Variants in ZFHX4 observed in about 807,000 individuals in gnomAD.
ZFHX4 encodes the protein zinc finger homeobox 4, also known as zinc finger homeobox protein 4.
ZFHX4 carries 56 observed loss-of-function variants against 267.6 expected under a neutral mutation model. The ratio of observed to expected loss-of-function variants is 0.21; its 90% CI spans 0.17 to 0.26. The LOEUF is 0.26. Ranked by LOEUF, ZFHX4 falls within the 10% of genes least tolerant of loss-of-function variation. The pLI is 1.00. For missense variants in ZFHX4, 4,332 were observed against 4,420.0 expected, an observed-to-expected ratio of 0.98 and a Z score of 0.56; for synonymous variants, 1,778 against 1,665.6, an observed-to-expected ratio of 1.07 and a Z score of -1.64.
chr8:76,705,873 G>T lies in ZFHX4; in HGVS notation c.1785G>T (p.Pro595=). ...CTCCTCACCAGCATGGCTTTACCCCGAGTACTCCTGGCACACCAGGGCCTG... is the reference window on the plus strand; with the variant it reads ...CTCCTCACCAGCATGGCTTTACCCCTAGTACTCCTGGCACACCAGGGCCTG... ...SATPHQHGFT[P]STPGTPGPGG... is the part of the protein sequence containing the mutation. The change falls in exon 2 of 11, where the codon CCG becomes CCT. Residue 595 remains proline, a synonymous_variant. Transcript: ENST00000651372. The T allele has an allele frequency of 6.2e-7, 1 of 1,613,738 alleles. No homozygotes were observed. Among genetic ancestry groups the T allele is most frequent in the Non-Finnish European group, 8.5e-7 (1 of 1,179,860 alleles).
At chr8:76,695,809 T>C (rs1176778732) in intron 1 of ZFHX4, among the ~76,000 whole-genome samples, 2 of 152,222 alleles carry the variant, frequency 1.3e-5, no homozygotes, top group Non-Finnish European at 2.9e-5. Context: ...ATTAGTTTTT[T>C]CCCCCAGCTC....
intron 4 of ZFHX4, among the ~76,000 whole-genome samples, chr8:76,779,774 G>A (rs796654755): frequency 1.3e-5 from 2 of 152,000 alleles, no homozygotes; most frequent in Non-Finnish European, 2.9e-5. Context: ...TGCGTGCCAC[G>A]ATTTTTCTCT....
intron 1 of ZFHX4, among the ~76,000 whole-genome samples, chr8:76,682,258 T>G (rs1807554265): frequency 6.6e-6 from 1 of 152,256 alleles, no homozygotes; most frequent in Middle Eastern, 3.4e-3. Context: ...CCCACCTTAT[T>G]CAGCCTCGTT....
chr8:76,782,828 C>G (rs895932044), intron 4 of ZFHX4, among the ~76,000 whole-genome samples: 2 of 152,012 alleles, frequency 1.3e-5, no homozygotes, highest in Admixed American at 6.6e-5. Context: ...TAATCATAAT[C>G]GTTTTTCATT....
intron 6 of ZFHX4, among the ~76,000 whole-genome samples, chr8:76,847,630 T>G (rs1812398555): frequency 6.6e-6 from 1 of 152,160 alleles, no homozygotes; most frequent in African/African-American, 2.4e-5. Flanking sequence ...AATTTTGATC[T>G]GCATGGAATC....
At chr8:76,833,962 C>A (rs1282312960) in intron 5 of ZFHX4, among the ~76,000 whole-genome samples, 1 of 152,052 alleles carries the variant, frequency 6.6e-6, no homozygotes. Context: ...TCCAGAATGT[C>A]ATATAGTTGG....
Position 76,851,216 on chromosome 8 carries a change from GC to G in ZFHX4, c.4296del (p.Ser1433ValfsTer8). Reference sequence around the variant, plus strand: ...GCGACAATGTGTAACCTCTGCCAGCGCAGTTTCCGTACATTCCAGGCTTTAA... The same window carrying G: ...GCGACAATGTGTAACCTCTGCCAGCGAGTTTCCGTACATTCCAGGCTTTAA... ...RAATMCNLCQ[R>X]SFRTFQALKK... On this transcript the variant is annotated frameshift_variant, in exon 10 of 11. Coordinates refer to ENST00000651372, the MANE Select transcript of ZFHX4 (RefSeq NM_024721.5). LOFTEE classifies it high-confidence loss of function. The G allele has an allele frequency of 6.2e-7, 1 of 1,613,780 alleles. No homozygotes were observed. The highest frequency in any genetic ancestry group is 8.5e-7 in the Non-Finnish European group (1 of 1,179,824).
Position 76,853,362 on chromosome 8 carries a change from T to G in ZFHX4, c.6441T>G (p.Tyr2147Ter). ...TDDQLKILRA[Y>*]FDINNSPSEE... ...ATCAGCTAAAAATCCTGAGGGCTTA[T>G]TTTGACATTAATAATTCTCCAAGTG... Residue 2147 changes from tyrosine to a stop codon, truncating the protein, a stop_gained, in exon 10 of 11, where the codon TAT becomes TAG. Transcript: ENST00000651372. LOFTEE classifies it high-confidence loss of function. 1 of 1,613,830 alleles carries G rather than the reference T, an allele frequency of 6.2e-7. No individual in the cohort carries two copies. Among genetic ancestry groups the G allele is most frequent in the Non-Finnish European group, 8.5e-7 (1 of 1,179,860 alleles).
chr8:76,849,143 T>C lies in ZFHX4; in HGVS notation c.3645+15T>C. On this transcript the variant is annotated intron_variant, in intron 7 of 10. Transcript: ENST00000651372. ...GTCATGAACAGGTAAATACTTTTTT[T>C]CCCCTTTACTGTGTAAATCTTTATT... 3 of 1,540,126 alleles carry C rather than the reference T, an allele frequency of 1.9e-6. No individual in the cohort carries two copies. The highest frequency in any genetic ancestry group is 1.7e-6 in the Non-Finnish European group (2 of 1,143,540).
At chr8:76,717,416 G>A (rs1044859160) in intron 3 of ZFHX4, among the ~76,000 whole-genome samples, 7 of 152,116 alleles carry the variant, frequency 4.6e-5, no homozygotes, top group African/African-American at 7.2e-5. Context: ...CTGAATCTGG[G>A]TACCTGATCC....
chr8:76,683,655 GGAGAGA>G lies in ZFHX4; in HGVS notation c.-47+2049_-47+2054del, dbSNP rs71850038. The G allele has an allele frequency of 5.4e-5, 8 of 147,184 alleles. No individual in the cohort carries two copies. In the East Asian group the frequency reaches 8.1e-4, roughly 15 times the overall value. The allele number at this position is 147,184 out of a possible 1,614,324, so 9.1% of individuals were successfully genotyped here. A position where few individuals can be genotyped will look rare whatever the true frequency, so the allele number is the denominator to read the frequency against. ...GGAAGAGAGAGAGGGGGGGAGAGAG[GGAGAGA>G]GAGAGAGAGAGAGGGAGAGAAGAGA... On this transcript the variant is annotated intron_variant, in intron 1 of 10. Coordinates refer to ENST00000651372, the MANE Select transcript of ZFHX4 (RefSeq NM_024721.5).
chr8:76,722,833 T>C (rs1808759620), intron 3 of ZFHX4, among the ~76,000 whole-genome samples: 5 of 152,028 alleles, frequency 3.3e-5, no homozygotes, highest in Admixed American at 3.3e-4. Flanking sequence ...CTTCTGCTTT[T>C]TTATTATTGG....
intron 3 of ZFHX4, among the ~76,000 whole-genome samples, chr8:76,732,975 T>C (rs957985654): frequency 6.6e-6 from 1 of 151,394 alleles, no homozygotes; most frequent in Non-Finnish European, 1.5e-5. Context: ...AAATATCCAC[T>C]CAGAGCAGAG....
intron 1 of ZFHX4, among the ~76,000 whole-genome samples, chr8:76,681,830 C>G (rs1379292131): frequency 1.3e-5 from 2 of 152,100 alleles, no homozygotes; most frequent in African/African-American, 4.8e-5. Flanking sequence ...GCTCTGCCCC[C>G]CTTTTCTATC....
chr8:76,779,907 A>G (rs1810504246), intron 4 of ZFHX4, among the ~76,000 whole-genome samples: 1 of 152,160 alleles, frequency 6.6e-6, no homozygotes, highest in Non-Finnish European at 1.5e-5. Context: ...GTGTTAGCAT[A>G]AAAACCTTGG....
rs1810070857 is a variant in ZFHX4 at position 76,767,066 on chromosome 8, T to A, written c.3094-11142T>A. On this transcript the variant is annotated intron_variant, in intron 3 of 10. Transcript: ENST00000651372. ...AGGGGTGTGTGTGTGTGTGTGTGTG[T>A]GTGTGTGTATGTGTGCATGTGTGTA... 2.6e-5 allele frequency among the ~76,000 whole-genome samples: 4 copies of A among 151,966 alleles called. 1 individual carries two copies. Among genetic ancestry groups the A allele is most frequent in the Admixed American group, 2.6e-4 (4 of 15,234 alleles).
rs180699213 is a variant in ZFHX4, at chr8:76,803,949, T to G, written c.3325+25510T>G. On this transcript the variant is annotated intron_variant, in intron 4 of 10. Transcript: ENST00000651372. ...CCCTAGATTTTGAAATACTCCTGCATTAACATTTGATTATAATTCAGACTT... is the reference window on the plus strand; with the variant it reads ...CCCTAGATTTTGAAATACTCCTGCAGTAACATTTGATTATAATTCAGACTT... Among the ~76,000 whole-genome samples, 387 of 152,232 alleles carry G rather than the reference T, an allele frequency of 2.5e-3. 2 individuals are homozygous for G. Among genetic ancestry groups the G allele is most frequent in the African/African-American group, 8.8e-3 (367 of 41,560 alleles).
Position 76,863,823 on chromosome 8 carries a change from A to G in ZFHX4, c.10109A>G (p.Lys3370Arg). Residue 3370 changes from lysine (K) to arginine (R), a missense_variant, in exon 11 of 11, where the codon AAA becomes AGA. By Grantham distance (26) the Lys-to-Arg change is conservative. Around this residue, in one of 7 missense-constraint regions of ZFHX4, gnomAD observed 1,648 missense variants for 1,625.0 expected, o/e 1.01. Transcript: ENST00000651372. Reference protein sequence around the residue: ...SNDASETKEDKSTATESTKEE... With the variant: ...SNDASETKEDRSTATESTKEE... The stretch of plus-strand genomic sequence containing the variant: ...GATGCTTCAGAAACAAAGGAAGACA[A>G]AAGTACTGCTACAGAAAGCACAAAA... 6.4e-7 allele frequency: 1 copy of G among 1,552,816 alleles called. No homozygotes were observed. The highest frequency in any genetic ancestry group is 8.7e-7 in the Non-Finnish European group (1 of 1,147,474).
chr8:76,700,978 T>C (rs1156953638), intron 1 of ZFHX4, among the ~76,000 whole-genome samples: 1 of 152,174 alleles, frequency 6.6e-6, no homozygotes, highest in African/African-American at 2.4e-5. Flanking sequence ...TGGTTGTTTT[T>C]GTGGTCTTTT....
Sources: allele counts gnomAD v4.1 joint callset (sites outside exome capture counted in the v4.1 genomes callset), GRCh38; gene constraint gnomAD v4.1.1; regional missense constraint gnomAD v4.1.1; transcripts MANE v1.5; gene names NCBI Gene and HGNC (gene_info 2026-07-23, HGNC 2026-07-21).